The following SH3BP1 variants were observed in gnomAD, a reference collection of about 807,000 sequenced individuals.
SH3BP1 encodes SH3 domain binding protein 1, also known as SH3 domain-binding protein 1.
In SH3BP1, 46 loss-of-function variants were observed where a neutral mutation model predicts 69.8. The ratio of observed to expected loss-of-function variants is 0.66; its 90% confidence interval spans 0.52 to 0.84. The LOEUF is 0.84. SH3BP1 is among the 40% of genes least tolerant of loss of function. The pLI, the probability that SH3BP1 is intolerant of heterozygous loss-of-function variation, is 0.00. For missense variants in SH3BP1, 868 were observed against 930.9 expected, an observed-to-expected ratio of 0.93 and a Z score of 0.88; for synonymous variants, 403 against 378.0, an observed-to-expected ratio of 1.07 and a Z score of -0.77.
chr22:37,641,724 C>A, intron 3 of SH3BP1: 1 of 500,474 alleles, frequency 2.0e-6, no homozygotes, highest in South Asian at 2.6e-5. Context: ...AGCACCTGAA[C>A]TTCTCTGTCC....
intron 3 of SH3BP1, 78 bp downstream of exon 3, chr22:37,641,556 T>A: frequency 8.0e-7 from 1 of 1,246,780 alleles, no homozygotes; most frequent in Non-Finnish European, 1.1e-6. Flanking sequence ...GGGGCTGGGG[T>A]TTCCTTGCCA....
intron 3 of SH3BP1, chr22:37,642,194 G>A: frequency 3.0e-6 from 1 of 332,600 alleles, no homozygotes. Flanking sequence ...CTGGGACAGG[G>A]GAAAGAGCTC....
intron 3 of SH3BP1, chr22:37,642,053 G>A (rs2227110): frequency 0.38 from 66,889 of 174,736 alleles, 13,921 homozygotes; most frequent in Middle Eastern, 0.49. Flanking sequence ...GGCATTCCCC[G>A]TAACTCCAGA....
Position 37,647,529 on chromosome 22 carries a change from C to T in SH3BP1, c.1199+8C>T, listed in dbSNP as rs765384634. ...GAACCTCAGCAACCTCAGGTGAGCCCGAGCCCGCCTCCCCAGCCTGCCGCA... is the reference window on the plus strand; with the variant it reads ...GAACCTCAGCAACCTCAGGTGAGCCTGAGCCCGCCTCCCCAGCCTGCCGCA... On this transcript the variant is annotated splice_region_variant and intron_variant, in intron 13 of 17. Transcript: ENST00000649765. 8.2e-6 allele frequency: 13 copies of T among 1,589,590 alleles called. No individual in the cohort carries two copies. The highest frequency in any genetic ancestry group is 1.9e-4 in the Middle Eastern group (1 of 5,178).
chr22:37,652,634 G>A (rs1932902773), intron 16 of SH3BP1, among the ~76,000 whole-genome samples: 2 of 151,768 alleles, frequency 1.3e-5, no homozygotes, highest in South Asian at 4.1e-4. Flanking sequence ...GACCAGCCTG[G>A]CAAACATGGT....
In SH3BP1 at chr22:37,650,205, T is replaced by G; in HGVS notation, c.1370T>G (p.Val457Gly). ...GTGTCTTCCATCCAGGTGGTGGGCG[T>G]CGTCGAGGCGCTGATCCAGAGCGCA... ...ASVSSIQVVGVVEALIQSADT... is the reference protein window; with the variant it reads ...ASVSSIQVVGGVEALIQSADT... The change falls in exon 15 of 18, where the codon GTC becomes GGC. Residue 457 changes from valine (V) to glycine (G), a missense_variant. By Grantham distance (109) the Val-to-Gly change is moderately radical. Around this residue, in one of 3 missense-constraint regions of SH3BP1, gnomAD observed 474 missense variants for 462.3 expected, o/e 1.03. Coordinates refer to ENST00000649765, the MANE Select transcript of SH3BP1 (RefSeq NM_018957.6). The G allele has an allele frequency of 1.2e-6, 2 of 1,613,728 alleles. No homozygotes were observed. The highest frequency in any genetic ancestry group is 1.7e-6 in the Non-Finnish European group (2 of 1,179,910).
intron 10 of SH3BP1, 124 bp downstream of exon 10, chr22:37,645,634 G>A: frequency 2.6e-6 from 3 of 1,141,076 alleles, no homozygotes; most frequent in Non-Finnish European, 3.7e-6. Context: ...CCTGGGAGAA[G>A]ACATGACTGC....
At chr22:37,646,723 CA>C in intron 10 of SH3BP1, 94 bp from the exon 11 acceptor site, 1 of 662,022 alleles carries the variant, frequency 1.5e-6, no homozygotes, top group Non-Finnish European at 2.4e-6. Context: ...ACAGGCCTAG[CA>C]AAGGCCAGTG....
At chr22:37,643,439 T>C (rs1290518362) in intron 6 of SH3BP1, 1 of 704,654 alleles carries the variant, frequency 1.4e-6, no homozygotes, top group Non-Finnish European at 2.4e-6. Flanking sequence ...CTCCCCTCTG[T>C]GGAGTGGCTG....
chr22:37,645,017 T>C (rs1311679776), intron 9 of SH3BP1, 57 bp downstream of exon 9: 4 of 1,472,512 alleles, frequency 2.7e-6, no homozygotes, highest in African/African-American at 2.8e-5. Context: ...TCGGGGCTTA[T>C]TGAGAAGCTC....
Position 37,650,557 on chromosome 22 carries a change from T to A in SH3BP1, c.1430T>A (p.Val477Glu), listed in dbSNP as rs750314857. 1 of 1,612,308 alleles carries A rather than the reference T, an allele frequency of 6.2e-7. No individual in the cohort carries two copies. Among genetic ancestry groups the A allele is most frequent in the East Asian group, 2.2e-5 (1 of 44,854 alleles). Residue 477 changes from valine (V) to glutamate (E), a missense_variant, in exon 16 of 18, where the codon GTG becomes GAG. Physicochemically the swap from Val to Glu is moderately radical, Grantham distance 121. This residue lies in a region of SH3BP1 where 474 missense variants were observed against 462.3 expected (regional missense o/e 1.03). Coordinates refer to ENST00000649765, the MANE Select transcript of SH3BP1 (RefSeq NM_018957.6). ...CTGTCTCCAGACATCAACTTCAACG[T>A]GTCAGGCCTCTTCTCAGCTGTTACC... ...TLFPGDINFN[V>E]SGLFSAVTLQ... is the part of the protein sequence containing the mutation.
chr22:37,649,871 G>C (rs1932845566), intron 14 of SH3BP1: 1 of 539,536 alleles, frequency 1.9e-6, no homozygotes, highest in African/African-American at 1.9e-5. Flanking sequence ...CAGATGGCAA[G>C]ATTTCCTCCC....
rs754892863 is a variant in SH3BP1, at chr22:37,647,368, G to A, written c.1118+20G>A. The A allele has an allele frequency of 6.2e-7, 1 of 1,613,570 alleles. No individual in the cohort carries two copies. The highest frequency in any genetic ancestry group is 8.5e-7 in the Non-Finnish European group (1 of 1,179,568). ...AGCCAGGTGAGGATGTTGGAGGAGG[G>A]AGGGGATGGGGAGGAGGAGGATGCA... On this transcript the variant is annotated intron_variant, in intron 12 of 17. Coordinates refer to ENST00000649765, the MANE Select transcript of SH3BP1 (RefSeq NM_018957.6).
chr22:37,641,689 C>A, intron 3 of SH3BP1: 1 of 544,658 alleles, frequency 1.8e-6, no homozygotes, highest in Non-Finnish European at 3.2e-6. Flanking sequence ...CACCAGTTCC[C>A]ATAAGCCAAG....
chr22:37,645,649 T>A, intron 10 of SH3BP1, 139 bp downstream of exon 10: 1 of 965,576 alleles, frequency 1.0e-6, no homozygotes, highest in Non-Finnish European at 1.5e-6. Flanking sequence ...GACTGCCTCC[T>A]GCGGCATCCA....
chr22:37,643,599 C>T (rs1932694633), intron 6 of SH3BP1, 45 bp from the exon 7 acceptor site: 1 of 1,613,444 alleles, frequency 6.2e-7, no homozygotes, highest in Non-Finnish European at 8.5e-7. Flanking sequence ...TGGCTCTGGA[C>T]ATGCAACAGG....
At position 37,650,589 on chromosome 22, in the gene SH3BP1, GAC is replaced by G; in HGVS notation, c.1466_1467del (p.Thr489SerfsTer3). The G allele has an allele frequency of 6.2e-7, 1 of 1,614,024 alleles. No individual in the cohort carries two copies. The highest frequency in any genetic ancestry group is 8.5e-7 in the Non-Finnish European group (1 of 1,179,982). On this transcript the variant is annotated frameshift_variant, in exon 16 of 18. Transcript: ENST00000649765. LOFTEE classifies it high-confidence loss of function. ...SGLFSAVTLQ[D>X]TVSDRLASEE... ...CCTCTTCTCAGCTGTTACCCTCCAG[GAC>G]ACAGTCAGTGACAGGCTGGCCTCTG... is the stretch of plus-strand genomic sequence containing the variant.
At chr22:37,654,885 G>A (rs984067014) in intron 17 of SH3BP1, among the ~76,000 whole-genome samples, 8 of 152,308 alleles carry the variant, frequency 5.3e-5, no homozygotes, top group Middle Eastern at 3.4e-3. Flanking sequence ...CGAGGCAGGA[G>A]GCTAGCTTGA....
Position 37,650,181 on chromosome 22 carries a change from T to A in SH3BP1, c.1346T>A (p.Val449Glu). 6.2e-7 allele frequency: 1 copy of A among 1,614,122 alleles called. No individual in the cohort carries two copies. Among genetic ancestry groups the A allele is most frequent in the South Asian group, 1.1e-5 (1 of 91,084 alleles). Residue 449 changes from valine (V) to glutamate (E), a missense_variant, in exon 15 of 18, where the codon GTG becomes GAG. Val to Glu is a moderately radical substitution (Grantham distance 121). This residue lies in a region of SH3BP1 where 474 missense variants were observed against 462.3 expected (regional missense o/e 1.03). Transcript: ENST00000649765. ...GDQAQLDAAS[V>E]SSIQVVGVVE... ...CAGGCCCAGCTGGATGCAGCCTCCG[T>A]GTCTTCCATCCAGGTGGTGGGCGTC...
Sources: allele counts gnomAD v4.1 joint callset (sites outside exome capture counted in the v4.1 genomes callset), GRCh38; gene constraint gnomAD v4.1.1; regional missense constraint gnomAD v4.1.1; transcripts MANE v1.5; gene names NCBI Gene and HGNC (gene_info 2026-07-23, HGNC 2026-07-21).